GALNT13: variants seen among roughly 807,000 people sequenced by gnomAD.
GALNT13 encodes the protein polypeptide N-acetylgalactosaminyltransferase 13.
In GALNT13, 28 loss-of-function variants were observed where a neutral mutation model predicts 64.2. The observed-to-expected ratio is 0.44, with a 90% CI of 0.32 to 0.60. The LOEUF is 0.60. GALNT13 is among the 20% of genes least tolerant of loss of function. The pLI is 0.05. For missense variants in GALNT13, 577 were observed against 669.8 expected, an observed-to-expected ratio of 0.86 and a Z score of 1.53; for synonymous variants, 214 against 224.6, an observed-to-expected ratio of 0.95 and a Z score of 0.42.
chr2:153,225,509 A>G, the GALNT13 span, among the ~76,000 whole-genome samples: 1 of 152,286 alleles, frequency 6.6e-6, no homozygotes, highest in East Asian at 1.9e-4. Context: ...AAGACAAGAA[A>G]AAGAAATAAA....
chr2:153,195,468 G>A, the GALNT13 span, among the ~76,000 whole-genome samples: 3 of 152,208 alleles, frequency 2.0e-5, no homozygotes, highest in East Asian at 3.9e-4. Flanking sequence ...CCAGGTGCCT[G>A]CATGGGTGCC....
intron 8 of GALNT13, among the ~76,000 whole-genome samples, chr2:154,291,633 C>T (rs1692641362): frequency 1.3e-5 from 2 of 152,314 alleles, no homozygotes; most frequent in African/African-American, 4.8e-5. Context: ...AGAACCCGGC[C>T]GGCCCACGGG....
the GALNT13 span, among the ~76,000 whole-genome samples, chr2:153,370,165 T>C: frequency 6.6e-6 from 1 of 152,184 alleles, no homozygotes; most frequent in East Asian, 1.9e-4. Context: ...ACCTGAGTAA[T>C]TGTATATCTA....
the GALNT13 span, among the ~76,000 whole-genome samples, chr2:153,249,755 T>C: frequency 1.3e-5 from 2 of 151,878 alleles, no homozygotes; most frequent in Non-Finnish European, 2.9e-5. Flanking sequence ...TCAACAAAAA[T>C]GACAAAAACA....
At chr2:153,762,756 T>C in the GALNT13 span, 1 of 151,562 alleles carries the variant, frequency 6.6e-6, no homozygotes. Context: ...CTGAGTATTC[T>C]GGAAAGTTCG....
At chr2:153,197,764 C>A in the GALNT13 span, among the ~76,000 whole-genome samples, 2 of 152,216 alleles carry the variant, frequency 1.3e-5, no homozygotes, top group Admixed American at 6.5e-5. Flanking sequence ...GTGGTAGCCA[C>A]CCCACGAAGG....
chr2:153,434,767 C>T, the GALNT13 span, among the ~76,000 whole-genome samples: 2 of 152,078 alleles, frequency 1.3e-5, no homozygotes, highest in African/African-American at 4.8e-5. Flanking sequence ...AATTGTCTCC[C>T]ATTTTGTAGG....
chr2:153,935,904 G>A (rs1690877124), intron 2 of GALNT13, among the ~76,000 whole-genome samples: 1 of 152,150 alleles, frequency 6.6e-6, no homozygotes, highest in Non-Finnish European at 1.5e-5. Context: ...AATTTTGTGT[G>A]CCCTATTTCA....
At chr2:154,376,259 C>T (rs905616004) in intron 9 of GALNT13, among the ~76,000 whole-genome samples, 1 of 152,108 alleles carries the variant, frequency 6.6e-6, no homozygotes, top group African/African-American at 2.4e-5. Context: ...CAAATCTCAT[C>T]TTCATTAGAG....
intron 2 of GALNT13, among the ~76,000 whole-genome samples, chr2:153,935,039 C>T (rs748864614): frequency 6.6e-6 from 1 of 152,128 alleles, no homozygotes; most frequent in African/African-American, 2.4e-5. Flanking sequence ...TAGTTTTTCT[C>T]ATACAGCATT....
chr2:153,349,761 G>A, the GALNT13 span, among the ~76,000 whole-genome samples: 3 of 152,102 alleles, frequency 2.0e-5, no homozygotes, highest in Non-Finnish European at 4.4e-5. Flanking sequence ...AGAAGTACTC[G>A]GTGGATGCAG....
At chr2:153,962,771 A>C (rs1385525214) in intron 3 of GALNT13, among the ~76,000 whole-genome samples, 2 of 152,280 alleles carry the variant, frequency 1.3e-5, no homozygotes, top group South Asian at 4.1e-4. Flanking sequence ...CCCTCTGCAC[A>C]ATGTCCCTCA....
chr2:153,875,123 TA>T (rs1558828487), intron 1 of GALNT13, among the ~76,000 whole-genome samples: 10 of 151,860 alleles, frequency 6.6e-5, no homozygotes, highest in Admixed American at 1.3e-4. Flanking sequence ...TATATATATA[TA>T]TATATGAGAT....
the GALNT13 span, among the ~76,000 whole-genome samples, chr2:153,402,506 A>G: frequency 6.6e-6 from 1 of 151,988 alleles, no homozygotes; most frequent in Non-Finnish European, 1.5e-5. Context: ...TCTCCTGGAT[A>G]ATATCCTGCA....
chr2:154,027,854 A>G (rs1360351925), intron 3 of GALNT13, among the ~76,000 whole-genome samples: 3 of 152,178 alleles, frequency 2.0e-5, no homozygotes, highest in African/African-American at 4.8e-5. Context: ...TTTGAATTGT[A>G]AAAAGACAAC....
At chr2:153,677,365 A>G in the GALNT13 span, among the ~76,000 whole-genome samples, 1 of 151,762 alleles carries the variant, frequency 6.6e-6, no homozygotes, top group East Asian at 1.9e-4. Context: ...CGAAAGATAT[A>G]CACAGTGAGA....
At chr2:153,687,709 T>C in the GALNT13 span, among the ~76,000 whole-genome samples, 1 of 152,046 alleles carries the variant, frequency 6.6e-6, no homozygotes, top group South Asian at 2.1e-4. Flanking sequence ...TACAATAACA[T>C]AGATCCAAGT....
At chr2:153,916,794 G>A (rs535068916) in intron 2 of GALNT13, among the ~76,000 whole-genome samples, 14 of 152,208 alleles carry the variant, frequency 9.2e-5, no homozygotes, top group Admixed American at 2.6e-4. Context: ...GAGTACAAAG[G>A]CAACTAACCT....
the GALNT13 span, among the ~76,000 whole-genome samples, chr2:153,374,104 T>C: frequency 1.3e-5 from 2 of 152,246 alleles, no homozygotes; most frequent in Admixed American, 1.3e-4. Flanking sequence ...AAGACTGTGC[T>C]GTCAACTCTT....
Sources: gnomAD v4.1 joint callset for allele counts (sites outside exome capture counted in the v4.1 genomes callset) on GRCh38, gnomAD v4.1.1 for gene constraint, MANE v1.5 for transcripts, NCBI Gene and HGNC (gene_info 2026-07-23, HGNC 2026-07-21) for gene names.